Variants in GRIN1 observed in about 807,000 individuals in gnomAD.
GRIN1 encodes glutamate receptor ionotropic, NMDA 1.
In GRIN1, 38 loss-of-function variants were observed where a neutral mutation model predicts 103.0. The ratio of observed to expected loss-of-function variants is 0.37; its 90% confidence interval spans 0.28 to 0.48. The LOEUF (loss-of-function observed/expected upper bound fraction) is 0.48, where lower values mean the gene tolerates loss of function less well. Ranked by LOEUF, GRIN1 falls within the 20% of genes least tolerant of loss-of-function variation. GRIN1 has a pLI of 0.98. For missense variants in GRIN1, 577 were observed against 1,288.9 expected (o/e 0.45, Z 8.46); for synonymous variants, 544 against 532.7 (o/e 1.02, Z -0.29).
At chr9:137,143,977 C>CTAA (rs1832317746) in intron 2 of GRIN1, among the ~76,000 whole-genome samples, 1 of 152,256 alleles carries the variant, frequency 6.6e-6, no homozygotes, top group African/African-American at 2.4e-5. Context: ...GGCAAGCAAG[C>CTAA]ACCACGCTCT....
In GRIN1 at chr9:137,160,933, G is replaced by A. The variant is rs994205193; in HGVS notation, c.1198-123G>A. ...GGCAGTGGCCGGCGGCGCAGGGCGGGGGGTGTGAGGGGTGCGTCGGGGATT... is the reference window on the plus strand; with the variant it reads ...GGCAGTGGCCGGCGGCGCAGGGCGGAGGGTGTGAGGGGTGCGTCGGGGATT... On this transcript the variant is annotated intron_variant, in intron 8 of 19. Coordinates refer to ENST00000371561, the MANE Select transcript of GRIN1 (RefSeq NM_007327.4). 2.2e-5 allele frequency: 28 copies of A among 1,245,268 alleles called. No individual in the cohort carries two copies. The East Asian group carries it at 7.0e-4, about 31-fold the overall frequency. 77.1% of individuals were successfully genotyped at this position (1,245,268 alleles called of 1,614,324 possible). A position where few individuals can be genotyped will look rare whatever the true frequency, so the allele number is the denominator to read the frequency against.
At chr9:137,148,389 GGT>G (rs1272943172) in intron 3 of GRIN1, among the ~76,000 whole-genome samples, 2 of 152,126 alleles carry the variant, frequency 1.3e-5, no homozygotes, top group Non-Finnish European at 2.9e-5. Context: ...TGGCGGCGTG[GGT>G]GCCTGAGGCC....
At chr9:137,144,586 C>G (rs1372144477) in intron 2 of GRIN1, among the ~76,000 whole-genome samples, 1 of 149,846 alleles carries the variant, frequency 6.7e-6, no homozygotes, top group African/African-American at 2.5e-5. Context: ...ACCCAGGAGG[C>G]GGAGCCTGCA....
chr9:137,148,789 C>T (rs1832684440), intron 3 of GRIN1, among the ~76,000 whole-genome samples: 1 of 152,188 alleles, frequency 6.6e-6, no homozygotes, highest in African/African-American at 2.4e-5. Context: ...AGAACGAGCA[C>T]AGGTGAGCGC....
chr9:137,161,571 C>G (rs1385490524), intron 10 of GRIN1, among the ~76,000 whole-genome samples, 155 bp downstream of exon 10: 1 of 71,796 alleles, frequency 1.4e-5, no homozygotes, highest in African/African-American at 5.2e-5. Flanking sequence ...TGGGTCCTGG[C>G]GTGGGTAAAG....
intron 4 of GRIN1, among the ~76,000 whole-genome samples, chr9:137,151,289 C>A (rs940120114): frequency 2.0e-5 from 3 of 147,936 alleles, no homozygotes; most frequent in Admixed American, 1.3e-4. Context: ...AAAAGACCCG[C>A]CCAGGAAAAA....
At chr9:137,160,199 G>A (rs1489452240) in intron 8 of GRIN1, among the ~76,000 whole-genome samples, 2 of 152,254 alleles carry the variant, frequency 1.3e-5, no homozygotes, top group African/African-American at 4.8e-5. Flanking sequence ...TTCAAAGCCT[G>A]AGGGCTTCGG....
At chr9:137,145,697 T>G in intron 2 of GRIN1, 29 bp from the exon 3 acceptor site, 1 of 1,602,672 alleles carries the variant, frequency 6.2e-7, no homozygotes, top group Non-Finnish European at 8.5e-7. Flanking sequence ...CGGGTCCACC[T>G]CAGCCCGCCG....
chr9:137,163,977 G>C, intron 18 of GRIN1, 73 bp downstream of exon 18: 2 of 1,546,204 alleles, frequency 1.3e-6, no homozygotes, highest in African/African-American at 1.4e-5. Flanking sequence ...ATCCCCGAAG[G>C]CCGTGGCACT....
Position 137,139,193 on chromosome 9 carries a change from G to T in GRIN1, c.-294G>T. 1 of 157,512 alleles carries T rather than the reference G, an allele frequency of 6.3e-6. No homozygotes were observed. Among genetic ancestry groups the T allele is most frequent in the South Asian group, 1.8e-4 (1 of 5,698 alleles). The allele number at this position is 157,512 out of a possible 1,614,324, so 9.8% of individuals were successfully genotyped here. On this transcript the variant is annotated 5_prime_UTR_variant, in exon 1 of 20. Transcript: ENST00000371561. This position sits in a 1 kb window ranked among gnomAD's most constrained non-coding sequence, Gnocchi z 7.7. ...GTCCGGACCGGAACCAGCGCCGTCC[G>T]CGGAGCCGCCGCCGCCGCCGCCGGG... is the stretch of plus-strand genomic sequence containing the variant.
intron 3 of GRIN1, chr9:137,148,305 C>T (rs949642762): frequency 2.3e-5 from 19 of 820,508 alleles, no homozygotes; most frequent in South Asian, 6.2e-5. Context: ...GCCCAGCCGC[C>T]GAGCCGCAGG....
At position 137,160,841 on chromosome 9, in the gene GRIN1, C is replaced by T. The variant is rs555992955; in HGVS notation, c.1198-215C>T. Among the ~76,000 whole-genome samples the T allele has an allele frequency of 2.8e-4, 42 of 152,302 alleles. No homozygotes were observed. The South Asian group carries it at 8.5e-3, about 31-fold the overall frequency. On this transcript the variant is annotated intron_variant, in intron 8 of 19. Transcript: ENST00000371561. ...CCACCCCCCCGGGGCTGCAGGCAGA[C>T]GATGCTGACGGTGGCTGGGGAGGAC...
intron 16 of GRIN1, 102 bp downstream of exon 16, chr9:137,163,432 C>A: frequency 6.7e-7 from 1 of 1,486,100 alleles, no homozygotes; most frequent in Non-Finnish European, 9.4e-7. Context: ...GATTTCCCAC[C>A]CAGGCCGGGC....
intron 18 of GRIN1, 152 bp from the exon 19 acceptor site, chr9:137,165,034 C>A (rs1833793501): frequency 2.8e-6 from 2 of 715,848 alleles, no homozygotes; most frequent in African/African-American, 1.7e-5. Context: ...CCTCGAACGT[C>A]CGCTGTCGGC....
chr9:137,163,419 A>G, intron 16 of GRIN1, 89 bp downstream of exon 16: 1 of 1,515,036 alleles, frequency 6.6e-7, no homozygotes, highest in South Asian at 1.1e-5. Flanking sequence ...CGAGGCCACC[A>G]CTGATTTCCC....
chr9:137,163,955 C>T (rs376518980), intron 18 of GRIN1, 51 bp downstream of exon 18: 62 of 1,594,918 alleles, frequency 3.9e-5, no homozygotes, highest in African/African-American at 9.4e-5. Flanking sequence ...GGCCTGGCCA[C>T]GGCCCTCCTC....
chr9:137,143,442 C>T (rs1446428820), intron 2 of GRIN1, among the ~76,000 whole-genome samples: 3 of 152,260 alleles, frequency 2.0e-5, no homozygotes, highest in Non-Finnish European at 4.4e-5. Flanking sequence ...GGCACGACCT[C>T]CTTCGCCTCT....
intron 4 of GRIN1, 136 bp from the exon 5 acceptor site, chr9:137,156,533 C>A (rs527511259): frequency 1.7e-5 from 21 of 1,269,760 alleles, no homozygotes; most frequent in Non-Finnish European, 2.2e-5. Flanking sequence ...AGCGCCTCTG[C>A]GAGGTCTGCA....
intron 2 of GRIN1, 84 bp downstream of exon 2, chr9:137,142,231 C>T (rs562603481): frequency 4.3e-6 from 6 of 1,410,884 alleles, no homozygotes; most frequent in Non-Finnish European, 6.0e-6. Context: ...GGCCGACCCG[C>T]TCACATGGAA....
Sources: gnomAD v4.1 joint callset for allele counts (sites outside exome capture counted in the v4.1 genomes callset) on GRCh38, gnomAD v4.1.1 for gene constraint, Gnocchi (gnomAD v3.1) non-coding constraint, MANE v1.5 for transcripts, NCBI Gene and HGNC (gene_info 2026-07-23, HGNC 2026-07-21) for gene names.